PRKD1: variants seen among roughly 807,000 people sequenced by gnomAD.
PRKD1 encodes serine/threonine-protein kinase D1.
Under a neutral mutation model 95.9 loss-of-function variants are expected in PRKD1, and 63 were observed. That is an observed-to-expected ratio of 0.66 (90% CI 0.54 to 0.81). PRKD1 has a LOEUF of 0.81. Ranked by LOEUF, PRKD1 falls within the 30% of genes least tolerant of loss-of-function variation. The pLI is 0.00. For synonymous variants in PRKD1, 425 were observed against 423.1 expected (o/e 1.00, Z -0.05); for missense variants, 1,048 against 1,165.3 (o/e 0.90, Z 1.47).
intron 1 of PRKD1, among the ~76,000 whole-genome samples, chr14:29,923,061 T>C (rs1895178010): frequency 6.6e-6 from 1 of 151,478 alleles, no homozygotes; most frequent in Non-Finnish European, 1.5e-5. Flanking sequence ...CAAAATACCA[T>C]CTCTACAAAA....
At chr14:29,613,296 A>C (rs887788849) in intron 13 of PRKD1, among the ~76,000 whole-genome samples, 1 of 152,122 alleles carries the variant, frequency 6.6e-6, no homozygotes, top group Admixed American at 6.6e-5. Flanking sequence ...AGTTTCCAAA[A>C]ATTTTCATTT....
chr14:29,799,726 CTACTTGCTAAAATGTA>C (rs1369869816), intron 1 of PRKD1, among the ~76,000 whole-genome samples: 3 of 152,196 alleles, frequency 2.0e-5, no homozygotes, highest in Non-Finnish European at 4.4e-5. Context: ...GCAAATTCAT[CTACTTGCTAAAATGTA>C]TTTATGACAC....
chr14:29,734,039 T>C (rs1886592448), intron 1 of PRKD1, among the ~76,000 whole-genome samples: 2 of 22,140 alleles, frequency 9.0e-5, no homozygotes, highest in Admixed American at 6.3e-4. Flanking sequence ...TTTTTTTTTT[T>C]TTTTTTTTTT....
chr14:29,616,264 A>AAAG (rs1878850149), intron 13 of PRKD1, among the ~76,000 whole-genome samples: 1 of 150,714 alleles, frequency 6.6e-6, no homozygotes, highest in South Asian at 2.1e-4. Context: ...AAAAAAAAAA[A>AAAG]AGCCATGTAT....
At chr14:29,672,346 AAAAATAAAATAAAAT>A (rs540578140) in intron 2 of PRKD1, among the ~76,000 whole-genome samples, 130 of 151,606 alleles carry the variant, frequency 8.6e-4, no homozygotes, top group Non-Finnish European at 1.3e-3. Flanking sequence ...GTCTCAAAAA[AAAAATAAAATAAAAT>A]AAAATAAAAT....
chr14:29,630,916 C>T lies in PRKD1; in HGVS notation c.1498G>A (p.Val500Met), dbSNP rs1042770328. The T allele has an allele frequency of 1.2e-6, 2 of 1,614,138 alleles. No individual in the cohort carries two copies. Among genetic ancestry groups the T allele is most frequent in the Non-Finnish European group, 1.7e-6 (2 of 1,179,996 alleles). Residue 500 changes from valine to methionine, a missense_variant, in exon 10 of 18, where the codon GTG becomes ATG. By Grantham distance (21) the Val-to-Met change is conservative (BLOSUM62 1). Transcript: ENST00000331968. ...ACCACATTTTCTCCCACATAATACACTACATTTGCCGTAGTGATTTCGAAA... is the reference window on the plus strand; with the variant it reads ...ACCACATTTTCTCCCACATAATACATTACATTTGCCGTAGTGATTTCGAAA... ...HCFEITTANV[V>M]YYVGENVVNP...
chr14:29,926,067 A>G (rs1207558400), intron 1 of PRKD1, among the ~76,000 whole-genome samples: 2 of 152,216 alleles, frequency 1.3e-5, no homozygotes, highest in Non-Finnish European at 1.5e-5. Context: ...CCTGGCACTC[A>G]TTGTTACCTT....
intron 2 of PRKD1, among the ~76,000 whole-genome samples, chr14:29,680,099 C>T (rs1273804526): frequency 6.6e-6 from 1 of 152,102 alleles, no homozygotes; most frequent in South Asian, 2.1e-4. Context: ...TGGTGGACAA[C>T]TTTAGTATTT....
At chr14:29,646,709 T>C (rs1411165232) in intron 4 of PRKD1, among the ~76,000 whole-genome samples, 1 of 149,860 alleles carries the variant, frequency 6.7e-6, no homozygotes, top group Non-Finnish European at 1.5e-5. Context: ...GAATGCTCAG[T>C]CCGAGGCTAC....
At chr14:29,595,538 C>G (rs1332163499) in intron 16 of PRKD1, among the ~76,000 whole-genome samples, 2 of 152,192 alleles carry the variant, frequency 1.3e-5, no homozygotes, top group Admixed American at 6.5e-5. Flanking sequence ...GATTTCCCAA[C>G]AAGTGTTTCC....
intron 1 of PRKD1, among the ~76,000 whole-genome samples, chr14:29,873,891 T>C (rs1893198070): frequency 6.6e-6 from 1 of 152,112 alleles, no homozygotes; most frequent in South Asian, 2.1e-4. Context: ...CTGGAATATG[T>C]GGCCAAATTT....
Position 29,888,426 on chromosome 14 carries a change from C to T in PRKD1, c.264+38823G>A, listed in dbSNP as rs186119159. ...AAATGCAAGAAGGCCTATAGAAAGA[C>T]ATACCAACTTGTATACGGAATGGCT... On this transcript the variant is annotated intron_variant, in intron 1 of 17. Coordinates refer to ENST00000331968, the MANE Select transcript of PRKD1 (RefSeq NM_002742.3). 1.1e-3 allele frequency among the ~76,000 whole-genome samples: 163 copies of T among 152,232 alleles called. 1 individual carries two copies. Among genetic ancestry groups the T allele is most frequent in the African/African-American group, 3.8e-3 (159 of 41,542 alleles).
intron 1 of PRKD1, among the ~76,000 whole-genome samples, chr14:29,726,653 T>A (rs1886159419): frequency 6.6e-6 from 1 of 152,060 alleles, no homozygotes; most frequent in African/African-American, 2.4e-5. Context: ...AGTCTTAGAA[T>A]TAGGGGCTAA....
rs72677417 is a variant in PRKD1, at chr14:29,651,095, C to T, written c.697-12191G>A. On this transcript the variant is annotated intron_variant, in intron 4 of 17. Transcript: ENST00000331968. Reference sequence around the variant, plus strand: ...AGCGCTGTGTGTGTCTGTGTGTACACGCTCATGTGCTTCTGAAACAACGTG... The same window carrying T: ...AGCGCTGTGTGTGTCTGTGTGTACATGCTCATGTGCTTCTGAAACAACGTG... 2.7e-3 allele frequency among the ~76,000 whole-genome samples: 411 copies of T among 152,290 alleles called. 1 individual carries two copies. Among genetic ancestry groups the T allele is most frequent in the Non-Finnish European group, 5.1e-3 (344 of 68,032 alleles).
At chr14:29,900,115 A>G (rs1332377620) in intron 1 of PRKD1, among the ~76,000 whole-genome samples, 3 of 152,226 alleles carry the variant, frequency 2.0e-5, no homozygotes, top group African/African-American at 7.2e-5. Flanking sequence ...TAAATTGCCC[A>G]GTCTTGGGTA....
At chr14:29,815,650 T>A (rs1890657309) in intron 1 of PRKD1, among the ~76,000 whole-genome samples, 2 of 152,132 alleles carry the variant, frequency 1.3e-5, no homozygotes, top group Non-Finnish European at 2.9e-5. Context: ...AGTCTCAAGG[T>A]TTTTCCTAAG....
intron 1 of PRKD1, among the ~76,000 whole-genome samples, chr14:29,857,024 G>A (rs1394933322): frequency 6.6e-6 from 1 of 152,152 alleles, no homozygotes; most frequent in Non-Finnish European, 1.5e-5. Context: ...AAACCCAACT[G>A]CATTTACTAG....
At chr14:29,827,332 A>C (rs961357207) in intron 1 of PRKD1, among the ~76,000 whole-genome samples, 2 of 152,128 alleles carry the variant, frequency 1.3e-5, no homozygotes, top group South Asian at 4.1e-4. Flanking sequence ...TCAGTGAGGT[A>C]AATATTACTA....
chr14:29,902,127 C>A (rs2139431230), intron 1 of PRKD1, among the ~76,000 whole-genome samples: 1 of 152,130 alleles, frequency 6.6e-6, no homozygotes, highest in East Asian at 1.9e-4. Context: ...GGCATGGTGA[C>A]ACACACCTGG....
Sources: allele counts gnomAD v4.1 joint callset (sites outside exome capture counted in the v4.1 genomes callset), GRCh38; gene constraint gnomAD v4.1.1; transcripts MANE v1.5; gene names NCBI Gene and HGNC (gene_info 2026-07-23, HGNC 2026-07-21).